Variants in NCS1 observed in about 807,000 individuals in gnomAD.
NCS1 encodes frequenin homolog.
A neutral mutation model predicts 28.4 loss-of-function variants in NCS1; 6 were observed. The observed-to-expected ratio is 0.21, with a 90% confidence interval of 0.12 to 0.42. NCS1 has a LOEUF of 0.42. Among genes scored for constraint, NCS1 ranks in the 10% least tolerant of loss-of-function variants. The pLI, the probability that NCS1 is intolerant of heterozygous loss-of-function variation, is 1.00. For missense variants in NCS1, 131 were observed against 241.4 expected (o/e 0.54, Z 3.03); for synonymous variants, 86 against 99.3 (o/e 0.87, Z 0.79).
rs79994122 is a variant in NCS1 at position 130,188,005 on chromosome 9, A to G, written c.65-12953A>G. ...GGGGGAGGCAGATGCCACATGATCCAAAGTGGGGAGATGGGGGGTGGTGGC... is the reference window on the plus strand; with the variant it reads ...GGGGGAGGCAGATGCCACATGATCCGAAGTGGGGAGATGGGGGGTGGTGGC... On this transcript the variant is annotated intron_variant, in intron 1 of 7. Transcript: ENST00000372398. Among the ~76,000 whole-genome samples the G allele has an allele frequency of 4.0e-3, 606 of 152,302 alleles. 23 individuals are homozygous for G. The East Asian group carries it at 0.092, about 23-fold the overall frequency.
intron 1 of NCS1, among the ~76,000 whole-genome samples, chr9:130,189,873 AAAAAAAATATATAT>A (rs1178269285): frequency 1.0e-5 from 1 of 96,770 alleles, no homozygotes; most frequent in Non-Finnish European, 1.8e-5. Flanking sequence ...AAAAAAAAAA[AAAAAAAATATATAT>A]ATATATATAT....
chr9:130,173,685 T>C (rs1554904334), intron 1 of NCS1, among the ~76,000 whole-genome samples: 2 of 152,064 alleles, frequency 1.3e-5, no homozygotes, highest in Non-Finnish European at 1.5e-5. Flanking sequence ...TGGGCTTGGG[T>C]TGGAATTCAG....
chr9:130,220,516 G>A (rs1359098903), intron 4 of NCS1, among the ~76,000 whole-genome samples: 1 of 152,112 alleles, frequency 6.6e-6, no homozygotes, highest in East Asian at 1.9e-4. Context: ...TGGGGAGGGG[G>A]CGTTAAGGGC....
At position 130,175,439 on chromosome 9, in the gene NCS1, G is replaced by T. The variant is rs1357748268; in HGVS notation, c.64+2712G>T. 6.6e-6 allele frequency among the ~76,000 whole-genome samples: 1 copy of T among 152,156 alleles called. No individual in the cohort carries two copies. The highest frequency in any genetic ancestry group is 2.4e-5 in the African/African-American group (1 of 41,434). The stretch of plus-strand genomic sequence containing the variant: ...ACCTGGGCTGCCCTCCCGGATTTCC[G>T]ATTCTTTAGGTCTGGCTGGGGCCCA... On this transcript the variant is annotated intron_variant, in intron 1 of 7. Coordinates refer to ENST00000372398, the MANE Select transcript of NCS1 (RefSeq NM_014286.4). The surrounding 1 kb of genome is among the most constrained non-coding windows in gnomAD (Gnocchi z 4.9).
At position 130,191,261 on chromosome 9, in the gene NCS1, T is replaced by G. The variant is rs1832813191; in HGVS notation, c.65-9697T>G. Among the ~76,000 whole-genome samples the G allele has an allele frequency of 6.6e-6, 1 of 152,102 alleles. No individual in the cohort carries two copies. Among genetic ancestry groups the G allele is most frequent in the African/African-American group, 2.4e-5 (1 of 41,412 alleles). On this transcript the variant is annotated intron_variant, in intron 1 of 7. Coordinates refer to ENST00000372398, the MANE Select transcript of NCS1 (RefSeq NM_014286.4). This position sits in a 1 kb window ranked among gnomAD's most constrained non-coding sequence, Gnocchi z 6.4. ...GCCGAGAGCCTGGCTTTAGAGGGCC[T>G]CGGGCAGGAGAGCCAGGCCTGGGTG...
intron 7 of NCS1, among the ~76,000 whole-genome samples, chr9:130,227,284 G>C (rs1554911535): frequency 1.3e-5 from 2 of 151,826 alleles, no homozygotes; most frequent in Admixed American, 1.3e-4. Context: ...CTTTTTTCCT[G>C]CCTCTTCTTT....
Position 130,222,820 on chromosome 9 carries a change from C to T in NCS1, c.396+82C>T, listed in dbSNP as rs1156727246. On this transcript the variant is annotated intron_variant, in intron 5 of 7. Coordinates refer to ENST00000372398, the MANE Select transcript of NCS1 (RefSeq NM_014286.4). The stretch of plus-strand genomic sequence containing the variant: ...GAGAGACAGAGAGAGAGCACTTGTG[C>T]AGCCATGCTCCTGCCCAGGGTGGAA... 4 of 1,426,204 alleles carry T rather than the reference C, an allele frequency of 2.8e-6. No homozygotes were observed. In the South Asian group the frequency reaches 3.5e-5, roughly 12 times the overall value. 88.3% of individuals were successfully genotyped at this position (1,426,204 alleles called of 1,614,324 possible). A position where few individuals can be genotyped will look rare whatever the true frequency, so the allele number is the denominator to read the frequency against.
chr9:130,183,711 CCCTT>C (rs1371825177), intron 1 of NCS1, among the ~76,000 whole-genome samples: 3 of 146,528 alleles, frequency 2.0e-5, no homozygotes, highest in South Asian at 2.2e-4. Context: ...TTCTCTCTCT[CCCTT>C]CCTTCCTTCT....
At chr9:130,222,830 C>A (rs1833351675) in intron 5 of NCS1, 92 bp downstream of exon 5, 2 of 1,372,976 alleles carry the variant, frequency 1.5e-6, no homozygotes, top group East Asian at 2.3e-5. Context: ...CAGCCATGCT[C>A]CTGCCCAGGG....
rs1052421224 is a variant in NCS1 at position 130,231,410 on chromosome 9, T to C, written c.*18-1580T>C. ...ATGTATTTATTTTTTTGAGGTGGAG[T>C]CTCACTCTTTTTGCCCAGGCTGGAG... On this transcript the variant is annotated intron_variant, in intron 7 of 7. Coordinates refer to ENST00000372398, the MANE Select transcript of NCS1 (RefSeq NM_014286.4). 2.6e-5 allele frequency among the ~76,000 whole-genome samples: 4 copies of C among 151,838 alleles called. No individual in the cohort carries two copies. The South Asian group carries it at 8.4e-4, about 32-fold the overall frequency.
intron 1 of NCS1, among the ~76,000 whole-genome samples, chr9:130,183,189 C>G (rs1425157743): frequency 2.0e-5 from 3 of 152,242 alleles, no homozygotes; most frequent in Non-Finnish European, 2.9e-5. Flanking sequence ...CTGGTTCCAG[C>G]CTGGCTTGCT....
intron 3 of NCS1, 26 bp downstream of exon 3, chr9:130,217,996 C>T (rs782048190): frequency 1.9e-5 from 30 of 1,613,574 alleles, no homozygotes; most frequent in East Asian, 1.1e-4. Context: ...ATGGGGCCTG[C>T]GGCAGCTGGC....
At chr9:130,188,190 AC>A in intron 1 of NCS1, among the ~76,000 whole-genome samples, 1 of 152,320 alleles carries the variant, frequency 6.6e-6, no homozygotes, top group South Asian at 2.1e-4. Flanking sequence ...GGACCACACC[AC>A]GCTGCCTCTG....
At chr9:130,179,662 GCATT>G (rs1274896211) in intron 1 of NCS1, among the ~76,000 whole-genome samples, 2 of 152,196 alleles carry the variant, frequency 1.3e-5, no homozygotes, top group Non-Finnish European at 2.9e-5. Flanking sequence ...CTATTTCTCT[GCATT>G]CTTGCCAGCA....
At chr9:130,176,155 T>TTTCC (rs1832562622) in intron 1 of NCS1, among the ~76,000 whole-genome samples, 1 of 71,616 alleles carries the variant, frequency 1.4e-5, no homozygotes. Context: ...TCTTTCTTTC[T>TTTCC]TTCTTTCTTT....
In NCS1 at chr9:130,192,591, C is replaced by T. The variant is rs1554906374; in HGVS notation, c.65-8367C>T. On this transcript the variant is annotated intron_variant, in intron 1 of 7. Transcript: ENST00000372398. The surrounding 1 kb of genome is among the most constrained non-coding windows in gnomAD (Gnocchi z 4.8). Reference sequence around the variant, plus strand: ...ACAGAGAGGGGAGGGTGCGTGGCCACGTTCACACATTGGGTCAGGAGCAAA... The same window carrying T: ...ACAGAGAGGGGAGGGTGCGTGGCCATGTTCACACATTGGGTCAGGAGCAAA... Among the ~76,000 whole-genome samples, 1 of 152,090 alleles carries T rather than the reference C, an allele frequency of 6.6e-6. No homozygotes were observed. Among genetic ancestry groups the T allele is most frequent in the Admixed American group, 6.6e-5 (1 of 15,264 alleles).
At chr9:130,188,960 G>T (rs1265481548) in intron 1 of NCS1, among the ~76,000 whole-genome samples, 1 of 149,798 alleles carries the variant, frequency 6.7e-6, no homozygotes, top group African/African-American at 2.5e-5. Context: ...CTGGTGATCC[G>T]CCCGTCTTGG....
chr9:130,184,493 C>T (rs1195680705), intron 1 of NCS1, among the ~76,000 whole-genome samples: 1 of 152,158 alleles, frequency 6.6e-6, no homozygotes, highest in African/African-American at 2.4e-5. Flanking sequence ...GGCTTTTAAT[C>T]CCTCCTGATG....
chr9:130,225,658 C>T (rs541115713), intron 6 of NCS1, among the ~76,000 whole-genome samples: 20 of 152,372 alleles, frequency 1.3e-4, no homozygotes, highest in African/African-American at 4.1e-4. Flanking sequence ...CCCTTCTTGG[C>T]TTGGCCGTGA....
Sources: allele counts gnomAD v4.1 joint callset (sites outside exome capture counted in the v4.1 genomes callset), GRCh38; gene constraint gnomAD v4.1.1; non-coding constraint Gnocchi (gnomAD v3.1); transcripts MANE v1.5; gene names NCBI Gene and HGNC (gene_info 2026-07-23, HGNC 2026-07-21).